LEPROTL1: variants seen among roughly 807,000 people sequenced by gnomAD.
LEPROTL1 encodes the protein leptin receptor overlapping transcript-like 1.
A neutral mutation model predicts 15.4 loss-of-function variants in LEPROTL1; 6 were observed. That is an observed-to-expected ratio of 0.39 (90% CI 0.21 to 0.77). LEPROTL1 has a LOEUF of 0.77. Ranked by LOEUF, LEPROTL1 falls within the 30% of genes least tolerant of loss-of-function variation. The pLI is 0.41. For synonymous variants in LEPROTL1, 56 were observed against 52.6 expected, an observed-to-expected ratio of 1.06 and a Z score of -0.28; for missense variants, 128 against 158.1, an observed-to-expected ratio of 0.81 and a Z score of 1.02.
chr8:30,101,526 A>G (rs1198679959), intron 1 of LEPROTL1, among the ~76,000 whole-genome samples: 3 of 152,032 alleles, frequency 2.0e-5, no homozygotes, highest in Admixed American at 2.0e-4. Flanking sequence ...AATTAACAGG[A>G]TGTGGTAGTG....
At position 30,106,844 on chromosome 8, in the gene LEPROTL1, G is replaced by A; in HGVS notation, c.*982G>A. On this transcript the variant is annotated 3_prime_UTR_variant, in exon 4 of 4. Transcript: ENST00000321250. ...CTGCTTCCTCCTTTTGACTTATTTG[G>A]TATGTTGTATATATTACATAAAATA... The A allele has an allele frequency of 1.0e-6, 1 of 984,210 alleles. No individual in the cohort carries two copies. 61.0% of individuals were successfully genotyped at this position (984,210 alleles called of 1,614,324 possible).
At chr8:30,123,573 A>T (rs957298115) in intron 3 of LEPROTL1, among the ~76,000 whole-genome samples, 1 of 152,188 alleles carries the variant, frequency 6.6e-6, no homozygotes, top group Admixed American at 6.5e-5. Flanking sequence ...TTCTCATGTC[A>T]TACTAGCATT....
downstream of LEPROTL1, chr8:30,137,985 G>A (rs1005089000): frequency 5.5e-6 from 1 of 181,106 alleles, no homozygotes; most frequent in African/African-American, 2.4e-5. Flanking sequence ...GTACTACCCA[G>A]ACCGATAAAC....
At chr8:30,099,386 G>C (rs1031905408) in intron 1 of LEPROTL1, among the ~76,000 whole-genome samples, 2 of 151,410 alleles carry the variant, frequency 1.3e-5, no homozygotes, top group African/African-American at 4.9e-5. Flanking sequence ...GAGGTCAAGA[G>C]ATGGAGACCA....
downstream of LEPROTL1, among the ~76,000 whole-genome samples, chr8:30,109,212 T>A (rs115762395): frequency 2.4e-3 from 364 of 152,342 alleles, 4 homozygotes; most frequent in African/African-American, 8.2e-3. Flanking sequence ...TGTTAAGTGG[T>A]ATGTGTGTTT....
chr8:30,117,772 C>G (rs73669682), intron 3 of LEPROTL1: 2 of 836,562 alleles, frequency 2.4e-6, no homozygotes, highest in Non-Finnish European at 4.1e-6. Context: ...GACATTCATG[C>G]GCACCATTGT....
chr8:30,126,398 G>A (rs77472555), intron 3 of LEPROTL1, among the ~76,000 whole-genome samples: 229 of 152,248 alleles, frequency 1.5e-3, no homozygotes, highest in African/African-American at 5.2e-3. Context: ...ACTGCTGCAC[G>A]GGGGATTAAG....
intron 4 of LEPROTL1, among the ~76,000 whole-genome samples, chr8:30,135,222 A>G (rs1433283602): frequency 1.3e-5 from 2 of 152,056 alleles, no homozygotes; most frequent in Non-Finnish European, 2.9e-5. Flanking sequence ...GACTCTTCCT[A>G]TTTGTTATTT....
intron 3 of LEPROTL1, among the ~76,000 whole-genome samples, chr8:30,115,532 C>A: frequency 1.5e-5 from 2 of 136,540 alleles, no homozygotes; most frequent in African/African-American, 2.7e-5. Flanking sequence ...ACCACCATGC[C>A]TGGCTAATTT....
At chr8:30,100,849 C>CTGTG (rs113757454) in intron 1 of LEPROTL1, among the ~76,000 whole-genome samples, 4,589 of 150,834 alleles carry the variant, frequency 0.03, 249 homozygotes, top group African/African-American at 0.1. Flanking sequence ...AAATGTACTG[C>CTGTG]TGTGTGTGTG....
At position 30,137,065 on chromosome 8, in the gene LEPROTL1, C is replaced by T. The variant is rs535377052; in HGVS notation, c.395-207C>T. Among the ~76,000 whole-genome samples the T allele has an allele frequency of 4.6e-5, 7 of 152,098 alleles. No individual in the cohort carries two copies. In the South Asian group the frequency reaches 8.3e-4, roughly 18 times the overall value. On this transcript the variant is annotated intron_variant, in intron 4 of 4. Transcript: ENST00000442880. ...AGGATGGCAAAGCAAGTGAACCAAC[C>T]GCAGGCTAGAATCAGATAGGTGACC...
At chr8:30,098,487 T>A (rs946701058) in intron 1 of LEPROTL1, among the ~76,000 whole-genome samples, 10 of 152,224 alleles carry the variant, frequency 6.6e-5, no homozygotes, top group East Asian at 3.8e-4. Flanking sequence ...CTCTTTTTAG[T>A]GGCCTTTGTT....
intron 1 of LEPROTL1, chr8:30,095,867 G>A (rs1001474782): frequency 1.4e-6 from 1 of 701,696 alleles, no homozygotes; most frequent in South Asian, 1.5e-5. Flanking sequence ...ACGTTTTGCA[G>A]GAGTTTGCAT....
At chr8:30,134,975 A>G (rs905500332) in intron 4 of LEPROTL1, among the ~76,000 whole-genome samples, 4 of 151,328 alleles carry the variant, frequency 2.6e-5, no homozygotes, top group African/African-American at 9.7e-5. Flanking sequence ...TGCCTCCCAG[A>G]CTCAAGTGAT....
chr8:30,134,372 G>A (rs1049416823), intron 4 of LEPROTL1, among the ~76,000 whole-genome samples: 2 of 151,474 alleles, frequency 1.3e-5, no homozygotes, highest in Non-Finnish European at 2.9e-5. Flanking sequence ...GCAGTGAGCC[G>A]AGATTGTGTC....
chr8:30,127,759 G>A (rs962089581), intron 3 of LEPROTL1, among the ~76,000 whole-genome samples: 23 of 151,172 alleles, frequency 1.5e-4, no homozygotes, highest in African/African-American at 5.6e-4. Context: ...CAAAAAGCAG[G>A]GGTAACCTGA....
chr8:30,096,475 T>A, intron 1 of LEPROTL1: 1 of 788,202 alleles, frequency 1.3e-6, no homozygotes, highest in Non-Finnish European at 1.5e-6. Flanking sequence ...AAGGAAAACT[T>A]AATCGAGTTT....
chr8:30,096,096 C>T (rs1248289391), intron 1 of LEPROTL1: 1 of 171,808 alleles, frequency 5.8e-6, no homozygotes, highest in Non-Finnish European at 1.2e-5. Context: ...GGTGTCTGGA[C>T]CCTAGAGTTG....
At chr8:30,125,208 C>A (rs549670629) in intron 3 of LEPROTL1, among the ~76,000 whole-genome samples, 1 of 152,304 alleles carries the variant, frequency 6.6e-6, no homozygotes, top group South Asian at 2.1e-4. Context: ...AATCTGGCAT[C>A]TCTAGCTGTT....
Sources: allele counts gnomAD v4.1 joint callset (sites outside exome capture counted in the v4.1 genomes callset), GRCh38; gene constraint gnomAD v4.1.1; transcripts MANE v1.5; gene names NCBI Gene and HGNC (gene_info 2026-07-23, HGNC 2026-07-21).